DYNC1I2: variants seen among roughly 807,000 people sequenced by gnomAD.
The protein encoded by DYNC1I2 is dynein cytoplasmic 1 intermediate chain 2, also known as cytoplasmic dynein 1 intermediate chain 2.
In DYNC1I2, 53 loss-of-function variants were observed where a neutral mutation model predicts 88.6. The observed-to-expected ratio is 0.60, with a 90% CI of 0.48 to 0.75. DYNC1I2 has a LOEUF of 0.75. Among genes scored for constraint, DYNC1I2 ranks in the 30% least tolerant of loss-of-function variants. The probability of loss-of-function intolerance (pLI) is 0.00; values close to 1 mark genes in which losing one functional copy is unlikely to be tolerated. For missense variants in DYNC1I2, 458 were observed against 766.6 expected, an observed-to-expected ratio of 0.60 and a Z score of 4.75; for synonymous variants, 198 against 254.6, an observed-to-expected ratio of 0.78 and a Z score of 2.12.
intron 8 of DYNC1I2, 52 bp downstream of exon 8, chr2:171,725,765 C>A: frequency 1.0e-6 from 1 of 954,936 alleles, no homozygotes; most frequent in African/African-American, 4.7e-5. Flanking sequence ...TGTTAAGATT[C>A]CTTTTATTAT....
chr2:171,722,400 A>C (rs1477104075), intron 7 of DYNC1I2, among the ~76,000 whole-genome samples: 1 of 152,158 alleles, frequency 6.6e-6, no homozygotes, highest in Non-Finnish European at 1.5e-5. Context: ...TTATAACCTT[A>C]GATTCCTTGT....
chr2:171,692,774 TAGA>T lies in DYNC1I2; in HGVS notation c.109-2_109del. On this transcript the variant is annotated splice_acceptor_variant and coding_sequence_variant, in exon 3 of 18. Transcript: ENST00000397119. LOFTEE classifies it high-confidence loss of function. The stretch of plus-strand genomic sequence containing the variant: ...ACATAAGTTTTTAACCTAAACATTT[TAGA>T]CAGACCAGAAGAAGGAAGCTGTTGC... 6.3e-7 allele frequency: 1 copy of T among 1,588,032 alleles called. No homozygotes were observed. The highest frequency in any genetic ancestry group is 8.5e-7 in the Non-Finnish European group (1 of 1,169,716).
At chr2:171,729,182 T>TC (rs1688445155) in intron 14 of DYNC1I2, among the ~76,000 whole-genome samples, 1 of 152,166 alleles carries the variant, frequency 6.6e-6, no homozygotes, top group African/African-American at 2.4e-5. Flanking sequence ...TTCAGCTGTT[T>TC]CCCCTTTTGA....
At chr2:171,740,437 G>A (rs1388222512) in intron 15 of DYNC1I2, among the ~76,000 whole-genome samples, 1 of 152,118 alleles carries the variant, frequency 6.6e-6, no homozygotes, top group Non-Finnish European at 1.5e-5. Flanking sequence ...GTTACTCTGT[G>A]GACTTCTGGA....
At chr2:171,697,213 G>A (rs538532129) in intron 3 of DYNC1I2, among the ~76,000 whole-genome samples, 1 of 151,736 alleles carries the variant, frequency 6.6e-6, no homozygotes, top group African/African-American at 2.4e-5. Flanking sequence ...TAGAGATGGG[G>A]TCTCACTATG....
rs746910264 is a variant in DYNC1I2 at position 171,725,598 on chromosome 2, G to GTTTTTTTTTTTTTT, written c.512-17_512-4dup. The GTTTTTTTTTTTTTT allele has an allele frequency of 3.2e-5, 29 of 895,194 alleles. 1 individual carries two copies. The highest frequency in any genetic ancestry group is 1.6e-4 in the South Asian group (7 of 43,012). The allele number at this position is 895,194 out of a possible 1,614,324, so 55.5% of individuals were successfully genotyped here. Reference sequence around the variant, plus strand: ...ATTCTGTTTTTTTGTTTTTTTGTTTGTTTTTTTTTTTTTTTTCAGATGAAG... The same window carrying GTTTTTTTTTTTTTT: ...ATTCTGTTTTTTTGTTTTTTTGTTTGTTTTTTTTTTTTTTTTTTTTTTTTTTTTTTCAGATGAAG... On this transcript the variant is annotated intron_variant, in intron 7 of 17. Coordinates refer to ENST00000397119, the MANE Select transcript of DYNC1I2 (RefSeq NM_001378.3).
intron 3 of DYNC1I2, among the ~76,000 whole-genome samples, chr2:171,694,565 G>A (rs979729437): frequency 3.3e-5 from 5 of 152,100 alleles, no homozygotes; most frequent in African/African-American, 1.2e-4. Context: ...GCTGAGGCAG[G>A]AGAATTGCTT....
chr2:171,723,929 C>T lies in DYNC1I2; in HGVS notation c.512-1689C>T, dbSNP rs554234886. 1.1e-4 allele frequency among the ~76,000 whole-genome samples: 16 copies of T among 152,228 alleles called. No individual in the cohort carries two copies. In the South Asian group the frequency reaches 2.1e-3, roughly 20 times the overall value. ...AGGTTGATTGCTCTGGCTGCGTTGA[C>T]GGAGAAAGGGCTGACAAATGTGGTT... On this transcript the variant is annotated intron_variant, in intron 7 of 17. Coordinates refer to ENST00000397119, the MANE Select transcript of DYNC1I2 (RefSeq NM_001378.3).
chr2:171,699,030 T>C (rs868420232), intron 3 of DYNC1I2, among the ~76,000 whole-genome samples: 2 of 151,114 alleles, frequency 1.3e-5, no homozygotes, highest in South Asian at 4.2e-4. Flanking sequence ...TTAGCTAGGC[T>C]GGGCATGATG....
chr2:171,694,595 T>G (rs912275146), intron 3 of DYNC1I2, among the ~76,000 whole-genome samples: 2 of 151,948 alleles, frequency 1.3e-5, no homozygotes, highest in Non-Finnish European at 2.9e-5. Context: ...AGGCAGAGGT[T>G]GTGGTGAGCT....
chr2:171,747,692 A>T (rs1689895539), intron 17 of DYNC1I2, 84 bp from the exon 18 acceptor site: 1 of 944,130 alleles, frequency 1.1e-6, no homozygotes, highest in African/African-American at 1.7e-5. Flanking sequence ...TTAACAGAAA[A>T]ATTATTTGAA....
At chr2:171,689,790 C>A (rs1456989258) in intron 1 of DYNC1I2, among the ~76,000 whole-genome samples, 1 of 151,650 alleles carries the variant, frequency 6.6e-6, no homozygotes. Context: ...CGGCTCACTG[C>A]AGCCTTGACT....
chr2:171,726,119 G>A (rs1479221150), intron 9 of DYNC1I2, 38 bp downstream of exon 9: 15 of 1,557,988 alleles, frequency 9.6e-6, no homozygotes, highest in Non-Finnish European at 1.2e-5. Context: ...CTTCAATAAT[G>A]TTAAATTACT....
intron 16 of DYNC1I2, 102 bp downstream of exon 16, chr2:171,744,291 C>T: frequency 8.0e-6 from 10 of 1,243,004 alleles, no homozygotes; most frequent in East Asian, 2.6e-5. Flanking sequence ...TAAAAGGGTT[C>T]TGTGATTGTA....
At chr2:171,736,978 T>A (rs1474460302) in intron 15 of DYNC1I2, among the ~76,000 whole-genome samples, 1 of 152,224 alleles carries the variant, frequency 6.6e-6, no homozygotes, top group Non-Finnish European at 1.5e-5. Context: ...AAAGCTGCCA[T>A]AACAAATTAC....
chr2:171,690,996 T>C (rs1685366641), intron 2 of DYNC1I2, among the ~76,000 whole-genome samples: 1 of 152,194 alleles, frequency 6.6e-6, no homozygotes, highest in African/African-American at 2.4e-5. Context: ...ATGGTGTATA[T>C]ATATCATAAC....
chr2:171,727,205 T>C (rs1688311702), intron 11 of DYNC1I2, among the ~76,000 whole-genome samples: 1 of 152,144 alleles, frequency 6.6e-6, no homozygotes, highest in Non-Finnish European at 1.5e-5. Context: ...AAGGAATCTT[T>C]TATAAAATGT....
chr2:171,692,556 A>G (rs1685475550), intron 2 of DYNC1I2, among the ~76,000 whole-genome samples: 2 of 152,144 alleles, frequency 1.3e-5, no homozygotes, highest in African/African-American at 4.8e-5. Context: ...CCTTGATTAC[A>G]TATGAAGATA....
At chr2:171,745,489 C>T (rs970064783) in intron 16 of DYNC1I2, among the ~76,000 whole-genome samples, 2 of 152,150 alleles carry the variant, frequency 1.3e-5, no homozygotes, top group African/African-American at 4.8e-5. Context: ...TGTTTTCAAA[C>T]AGCTTGACTT....
Sources: allele counts gnomAD v4.1 joint callset (sites outside exome capture counted in the v4.1 genomes callset), GRCh38; gene constraint gnomAD v4.1.1; transcripts MANE v1.5; gene names NCBI Gene and HGNC (gene_info 2026-07-23, HGNC 2026-07-21).